POTEI: variants seen among roughly 807,000 people sequenced by gnomAD.
The protein encoded by POTEI is POTE ankyrin domain family member I, also known as POTE ankyrin domain family, member I.
A neutral mutation model predicts 43.4 loss-of-function variants in POTEI; 14 were observed. That is an observed-to-expected ratio of 0.32 (90% CI 0.21 to 0.50). The LOEUF (loss-of-function observed/expected upper bound fraction) is 0.50, where lower values mean the gene tolerates loss of function less well. Among genes scored for constraint, POTEI ranks in the 20% least tolerant of loss-of-function variants. The pLI is 0.98. For missense variants in POTEI, 235 were observed against 795.4 expected (o/e 0.30, Z 8.47); for synonymous variants, 95 against 297.9 (o/e 0.32, Z 7.01).
intron 10 of POTEI, among the ~76,000 whole-genome samples, chr2:130,479,155 GACT>G (rs1176217087): frequency 2.9e-5 from 4 of 139,904 alleles, no homozygotes; most frequent in Non-Finnish European, 6.1e-5. Flanking sequence ...AAATCATATT[GACT>G]ATACCTCTCT....
chr2:130,485,209 G>C (rs536433878), intron 9 of POTEI, among the ~76,000 whole-genome samples: 1 of 151,662 alleles, frequency 6.6e-6, no homozygotes, highest in South Asian at 2.1e-4. Context: ...ATACACAATA[G>C]AAAAAGTCAC....
chr2:130,485,324 G>A (rs1683560121), intron 9 of POTEI, among the ~76,000 whole-genome samples: 1 of 145,056 alleles, frequency 6.9e-6, no homozygotes. Context: ...TGGCCAACAT[G>A]GGGAAATGCT....
chr2:130,492,789 A>C (rs868269960), intron 6 of POTEI, among the ~76,000 whole-genome samples: 259 of 117,054 alleles, frequency 2.2e-3, no homozygotes, highest in African/African-American at 7.1e-3. Context: ...TGGGAAGGTG[A>C]TTTCTAAAGT....
intron 9 of POTEI, among the ~76,000 whole-genome samples, chr2:130,486,881 A>G (rs1406936209): frequency 7.8e-6 from 1 of 127,732 alleles, no homozygotes; most frequent in Non-Finnish European, 1.7e-5. Flanking sequence ...CATTTTAATA[A>G]AAGTTTTACC....
chr2:130,468,606 G>A (rs1277306806), intron 13 of POTEI, among the ~76,000 whole-genome samples: 17 of 150,570 alleles, frequency 1.1e-4, no homozygotes, highest in Non-Finnish European at 2.1e-4. Flanking sequence ...GGAGGAAACC[G>A]ACCCCATGAG....
At chr2:130,468,830 C>T (rs1682949720) in intron 13 of POTEI, among the ~76,000 whole-genome samples, 2 of 152,054 alleles carry the variant, frequency 1.3e-5, no homozygotes, top group African/African-American at 2.4e-5. Flanking sequence ...TCACTTTTAA[C>T]CTATTCAGTC....
chr2:130,507,329 C>CATATATATGTATATATAT (rs1684206336), intron 1 of POTEI, among the ~76,000 whole-genome samples: 1 of 90,014 alleles, frequency 1.1e-5, no homozygotes, highest in South Asian at 4.0e-4. Flanking sequence ...CACACACACA[C>CATATATATGTATATATAT]ACACACACAT....
At position 130,496,617 on chromosome 2, in the gene POTEI, C is replaced by A; in HGVS notation, c.1061G>T (p.Cys354Phe). 9.6e-7 allele frequency: 1 copy of A among 1,046,632 alleles called. No individual in the cohort carries two copies. Among genetic ancestry groups the A allele is most frequent in the Non-Finnish European group, 1.4e-6 (1 of 714,604 alleles). 64.8% of individuals were successfully genotyped at this position (1,046,632 alleles called of 1,614,324 possible). The change falls in exon 6 of 15, where the codon TGC becomes TTC. Residue 354 changes from cysteine (C) to phenylalanine (F), a missense_variant. Transcript: ENST00000451531. ...TTCTTTGTAGTCAGAAAGTAACTGGCAAATTCTATGTATAAAAATGTAATA... is the reference window on the plus strand; with the variant it reads ...TTCTTTGTAGTCAGAAAGTAACTGGAAAATTCTATGTATAAAAATGTAATA... The part of the protein sequence containing the change: ...YAVSSHHHVI[C>F]QLLSDYKEKQ...
chr2:130,492,706 T>C (rs1683786483), intron 6 of POTEI, among the ~76,000 whole-genome samples: 1 of 134,508 alleles, frequency 7.4e-6, no homozygotes, highest in African/African-American at 2.7e-5. Flanking sequence ...TTCTCAATAA[T>C]TCTCATGAAC....
At chr2:130,480,400 C>G (rs550876308) in intron 10 of POTEI, among the ~76,000 whole-genome samples, 28 of 150,924 alleles carry the variant, frequency 1.9e-4, no homozygotes, top group African/African-American at 6.6e-4. Flanking sequence ...TTGGTAATAG[C>G]AAAAGTGAAC....
Position 130,479,838 on chromosome 2 carries a change from T to G in POTEI, c.1480+2165A>C, listed in dbSNP as rs1206957008. 5.8e-5 allele frequency among the ~76,000 whole-genome samples: 2 copies of G among 34,492 alleles called. 1 individual carries two copies. Among genetic ancestry groups the G allele is most frequent in the Non-Finnish European group, 1.1e-4 (2 of 18,668 alleles). 22.6% of individuals were successfully genotyped at this position (34,492 alleles called of 152,430 possible). On this transcript the variant is annotated intron_variant, in intron 10 of 14. Transcript: ENST00000451531. ...ATCAATAGCCATTCCTCATTCTTTCTGGCAGAAAAAATATAAGTCTATTGG... is the reference window on the plus strand; with the variant it reads ...ATCAATAGCCATTCCTCATTCTTTCGGGCAGAAAAAATATAAGTCTATTGG...
At chr2:130,484,302 G>C (rs1225181919) in intron 9 of POTEI, among the ~76,000 whole-genome samples, 3 of 146,620 alleles carry the variant, frequency 2.0e-5, no homozygotes, top group Non-Finnish European at 3.0e-5. Flanking sequence ...AAATAGGTTT[G>C]AAGTTAGAGA....
In POTEI at chr2:130,489,432, A is replaced by T; in HGVS notation, c.1198-153T>A. ...TAATTAAAATTAAAATTTAACTGTT[A>T]AATAAATAATAATTAAAATTAAGAA... On this transcript the variant is annotated intron_variant, in intron 7 of 14. Coordinates refer to ENST00000451531, the MANE Select transcript of POTEI (RefSeq NM_001277406.2). Among the ~76,000 whole-genome samples, 2 of 6,574 alleles carry T rather than the reference A, an allele frequency of 3.0e-4. 1 individual carries two copies. The highest frequency in any genetic ancestry group is 0.33 in the South Asian group (2 of 6). The allele number at this position is 6,574 out of a possible 152,430, so 4.3% of individuals were successfully genotyped here. A position where few individuals can be genotyped will look rare whatever the true frequency, so the allele number is the denominator to read the frequency against.
At chr2:130,501,923 T>A in intron 3 of POTEI, among the ~76,000 whole-genome samples, 2 of 3,716 alleles carry the variant, frequency 5.4e-4, no homozygotes, top group Non-Finnish European at 1.6e-3. Flanking sequence ...GTCAGATTAA[T>A]GTTATTGGAA....
Position 130,459,935 on chromosome 2 carries a change from G to C in POTEI, c.*2881C>G. The C allele has an allele frequency of 6.9e-6, 1 of 145,272 alleles. No individual in the cohort carries two copies. The highest frequency in any genetic ancestry group is 1.5e-5 in the Non-Finnish European group (1 of 67,894). 9.0% of individuals were successfully genotyped at this position (145,272 alleles called of 1,614,324 possible). On this transcript the variant is annotated 3_prime_UTR_variant, in exon 15 of 15. Transcript: ENST00000451531. Reference sequence around the variant, plus strand: ...CTTTAATGGCAGTTGATGTGGGTTGGGGTGTGTGCTGCACTCCTGTGTGCT... The same window carrying C: ...CTTTAATGGCAGTTGATGTGGGTTGCGGTGTGTGCTGCACTCCTGTGTGCT...
At position 130,495,200 on chromosome 2, in the gene POTEI, C is replaced by T. The variant is rs1361392303; in HGVS notation, c.1126+1352G>A. On this transcript the variant is annotated intron_variant, in intron 6 of 14. Transcript: ENST00000451531. ...AAACTTTCATTCCTCATATGTCTGGCACATAATCAATATATAATAAATCAT... is the reference window on the plus strand; with the variant it reads ...AAACTTTCATTCCTCATATGTCTGGTACATAATCAATATATAATAAATCAT... Among the ~76,000 whole-genome samples, 2 of 46,436 alleles carry T rather than the reference C, an allele frequency of 4.3e-5. 1 individual carries two copies. Among genetic ancestry groups the T allele is most frequent in the Non-Finnish European group, 1.1e-4 (2 of 18,626 alleles). The allele number at this position is 46,436 out of a possible 152,430, so 30.5% of individuals were successfully genotyped here.
intron 6 of POTEI, among the ~76,000 whole-genome samples, chr2:130,492,854 G>T (rs1464986682): frequency 1.4e-5 from 2 of 147,996 alleles, no homozygotes; most frequent in African/African-American, 2.5e-5. Context: ...TGACAATAAA[G>T]CAAAGAAACC....
At position 130,459,896 on chromosome 2, in the gene POTEI, C is replaced by A; in HGVS notation, c.*2920G>T. On this transcript the variant is annotated 3_prime_UTR_variant, in exon 15 of 15. Coordinates refer to ENST00000451531, the MANE Select transcript of POTEI (RefSeq NM_001277406.2). ...ATTTTGCTGGACATGAAATTCTGGG[C>A]TGAAATTTCTTTTCTTTAATGGCAG... 7.0e-6 allele frequency: 1 copy of A among 143,250 alleles called. No homozygotes were observed. Among genetic ancestry groups the A allele is most frequent in the African/African-American group, 3.0e-5 (1 of 33,774 alleles). 8.9% of individuals were successfully genotyped at this position (143,250 alleles called of 1,614,324 possible).
rs1405710082 is a variant in POTEI at position 130,474,092 on chromosome 2, A to G, written c.1778+286T>C. Among the ~76,000 whole-genome samples the G allele has an allele frequency of 2.0e-5, 3 of 148,136 alleles. 1 individual carries two copies. Among genetic ancestry groups the G allele is most frequent in the Admixed American group, 1.3e-4 (2 of 15,082 alleles). Reference sequence around the variant, plus strand: ...CAAGCCTCCATGATACAGTTTACCTATATAATAAACCTGCACACGTACCCG... The same window carrying G: ...CAAGCCTCCATGATACAGTTTACCTGTATAATAAACCTGCACACGTACCCG... On this transcript the variant is annotated intron_variant, in intron 13 of 14. Transcript: ENST00000451531.
Sources: gnomAD v4.1 joint callset for allele counts (sites outside exome capture counted in the v4.1 genomes callset) on GRCh38, gnomAD v4.1.1 for gene constraint, MANE v1.5 for transcripts, NCBI Gene and HGNC (gene_info 2026-07-23, HGNC 2026-07-21) for gene names.